LCT: variants seen among roughly 807,000 people sequenced by gnomAD.
LCT encodes the protein lactase/phlorizin hydrolase.
A neutral mutation model predicts 173.0 loss-of-function variants in LCT; 90 were observed. The ratio of observed to expected loss-of-function variants is 0.52; its 90% CI spans 0.44 to 0.62. The LOEUF (loss-of-function observed/expected upper bound fraction) is 0.62, where lower values mean the gene tolerates loss of function less well. Among genes scored for constraint, LCT ranks in the 20% least tolerant of loss-of-function variants. The pLI is 0.00. For missense variants in LCT, 1,864 were observed against 2,431.4 expected (o/e 0.77, Z 4.91); for synonymous variants, 853 against 957.6 (o/e 0.89, Z 2.02).
intron 3 of LCT, among the ~76,000 whole-genome samples, chr2:135,828,274 C>A (rs562142939): frequency 6.6e-6 from 1 of 152,166 alleles, no homozygotes; most frequent in Non-Finnish European, 1.5e-5. Context: ...CCACCCACCT[C>A]GGCCTCCCAA....
At chr2:135,815,555 A>G (rs1177309651) in intron 6 of LCT, among the ~76,000 whole-genome samples, 1 of 152,132 alleles carries the variant, frequency 6.6e-6, no homozygotes, top group Non-Finnish European at 1.5e-5. Flanking sequence ...TCACCCTAGT[A>G]ATGGTCTTTT....
At chr2:135,835,092 A>T (rs1171308385) in intron 1 of LCT, among the ~76,000 whole-genome samples, 5 of 152,172 alleles carry the variant, frequency 3.3e-5, no homozygotes, top group Non-Finnish European at 7.3e-5. Flanking sequence ...GAAGGTGGGA[A>T]ATAGTTTATA....
chr2:135,812,444 G>C lies in LCT; in HGVS notation c.2220C>G (p.Ser740=). 1 of 1,614,196 alleles carries C rather than the reference G, an allele frequency of 6.2e-7. No homozygotes were observed. Among genetic ancestry groups the C allele is most frequent in the Admixed American group, 1.7e-5 (1 of 60,016 alleles). ...GAACTTTTCCTCTTGTGTATTCCAG[G>C]GATACAAACTGCAACAGCCTCCTTA... ...WGIRRLLQFV[S]LEYTRGKVPI... The change falls in exon 7 of 17, where the codon TCC becomes TCG. Residue 740 remains serine (S), a synonymous_variant. Transcript: ENST00000264162.
Position 135,814,929 on chromosome 2 carries a change from T to C in LCT, c.1708-1973A>G, listed in dbSNP as rs566815198. ...TCCCCAATGTGATGGTATTTGGAGA[T>C]AGGGCCTTTGAGGGGTGATTAGATT... is the stretch of plus-strand genomic sequence containing the variant. On this transcript the variant is annotated intron_variant, in intron 6 of 16. Coordinates refer to ENST00000264162, the MANE Select transcript of LCT (RefSeq NM_002299.4). 3.9e-5 allele frequency among the ~76,000 whole-genome samples: 6 copies of C among 152,262 alleles called. No homozygotes were observed. In the East Asian group the frequency reaches 1.2e-3, roughly 29 times the overall value.
chr2:135,830,555 T>C (rs1252711390), intron 2 of LCT, among the ~76,000 whole-genome samples: 1 of 152,232 alleles, frequency 6.6e-6, no homozygotes, highest in African/African-American at 2.4e-5. Flanking sequence ...AGTGTTCCAT[T>C]ATGGGAATGC....
intron 5 of LCT, among the ~76,000 whole-genome samples, chr2:135,819,592 G>T (rs1399651590): frequency 6.6e-6 from 1 of 152,180 alleles, no homozygotes; most frequent in African/African-American, 2.4e-5. Flanking sequence ...CTGGGGCCGG[G>T]TCACCCAGCA....
rs1240265655 is a variant in LCT at position 135,790,310 on chromosome 2, A to G, written c.5335+348T>C. ...GCCTCAAACTTTTGCTCGGAGACTA[A>G]GAGACCCTACAGGCAACCACACAGC... On this transcript the variant is annotated intron_variant, in intron 15 of 16. Coordinates refer to ENST00000264162, the MANE Select transcript of LCT (RefSeq NM_002299.4). This position sits in a 1 kb window ranked among gnomAD's most constrained non-coding sequence, Gnocchi z 4.1. 2.9e-4 allele frequency among the ~76,000 whole-genome samples: 44 copies of G among 152,150 alleles called. No individual in the cohort carries two copies. The highest frequency in any genetic ancestry group is 2.8e-3 in the Admixed American group (43 of 15,280).
Position 135,789,729 on chromosome 2 carries a change from G to A in LCT, c.5405C>T (p.Thr1802Ile), listed in dbSNP as rs1328883719. Residue 1802 changes from threonine (T) to isoleucine (I), a missense_variant, in exon 16 of 17, where the codon ACA (threonine) becomes ATA (isoleucine). Physicochemically the swap from Thr to Ile is moderately conservative, Grantham distance 89. This residue lies in a region of LCT where 514 missense variants were observed against 750.1 expected (regional missense o/e 0.69). Transcript: ENST00000264162. ...WSAMDNFEWA[T>I]GFSERFGLHF... The stretch of plus-strand genomic sequence containing the variant: ...CAGACCAAATCTCTCTGAAAAGCCT[G>A]TGGCCCACTCAAAATTGTCCATCGC... 2 of 1,614,088 alleles carry A rather than the reference G, an allele frequency of 1.2e-6. No individual in the cohort carries two copies. Among genetic ancestry groups the A allele is most frequent in the Non-Finnish European group, 8.5e-7 (1 of 1,180,026 alleles).
intron 2 of LCT, among the ~76,000 whole-genome samples, chr2:135,830,040 C>T (rs976125368): frequency 6.6e-6 from 1 of 152,170 alleles, no homozygotes; most frequent in Non-Finnish European, 1.5e-5. Context: ...GGTGCTTCCT[C>T]CATAGACCCT....
rs555999583 is a variant in LCT, at chr2:135,815,242, A to G, written c.1707+2099T>C. 3.0e-4 allele frequency among the ~76,000 whole-genome samples: 45 copies of G among 152,340 alleles called. No individual in the cohort carries two copies. In the East Asian group the frequency reaches 6.2e-3, roughly 21 times the overall value. On this transcript the variant is annotated intron_variant, in intron 6 of 16. Coordinates refer to ENST00000264162, the MANE Select transcript of LCT (RefSeq NM_002299.4). ...CTAAGACAATGGCATTCTAACATTG[A>G]ACTAATAAATAAAGGGAAGAATTGA...
intron 2 of LCT, among the ~76,000 whole-genome samples, chr2:135,832,708 C>T (rs1264530517): frequency 6.6e-6 from 1 of 151,972 alleles, no homozygotes; most frequent in Non-Finnish European, 1.5e-5. Context: ...TGGTCTCAAA[C>T]TCCTGGCTCA....
intron 13 of LCT, among the ~76,000 whole-genome samples, chr2:135,795,174 A>G (rs1373552083): frequency 1.3e-5 from 2 of 151,862 alleles, no homozygotes; most frequent in Non-Finnish European, 2.9e-5. Context: ...TACATATCTG[A>G]GACTCTTCCC....
rs769578597 is a variant in LCT, at chr2:135,812,681, A to T, written c.1983T>A (p.Ala661=). 1.9e-6 allele frequency: 3 copies of T among 1,613,720 alleles called. No homozygotes were observed. The highest frequency in any genetic ancestry group is 2.5e-6 in the Non-Finnish European group (3 of 1,179,626). Residue 661 remains alanine (A), a synonymous_variant, in exon 7 of 17, where the codon GCT becomes GCA. Transcript: ENST00000264162. ...QMNRQCSHPV[A]QLPEFTEAEK... The stretch of plus-strand genomic sequence containing the variant: ...CTGCCTCTGTGAACTCGGGGAGTTG[A>T]GCCACAGGATGGGAGCACTGTCTGT...
intron 12 of LCT, among the ~76,000 whole-genome samples, chr2:135,798,911 T>C (rs2077603972): frequency 6.6e-6 from 1 of 152,166 alleles, no homozygotes; most frequent in South Asian, 2.1e-4. Context: ...GATATTTTCG[T>C]GGAAGCTGAT....
In LCT at chr2:135,808,566, T is replaced by G; in HGVS notation, c.3781A>C (p.Lys1261Gln). 3.7e-6 allele frequency: 6 copies of G among 1,614,232 alleles called. No individual in the cohort carries two copies. The highest frequency in any genetic ancestry group is 5.1e-6 in the Non-Finnish European group (6 of 1,180,040). The change falls in exon 8 of 17, where the codon AAG becomes CAG. Residue 1261 changes from lysine to glutamine, a missense_variant. Physicochemically the swap from Lys to Gln is moderately conservative, Grantham distance 53. Transcript: ENST00000264162. ...ATGGGGATGTCACCATACTCTTCCT[T>G]GATCCAGTTCAGCAGCCTTCGCGTC... is the stretch of plus-strand genomic sequence containing the variant. ...WGTRRLLNWI[K>Q]EEYGDIPIYI...
At position 135,810,572 on chromosome 2, in the gene LCT, T is replaced by G. The variant is rs370470398; in HGVS notation, c.2354-579A>C. Reference sequence around the variant, plus strand: ...CCCATGTGTTACCACCAGGGTGTCTTGGTTTTATATAAAATACATAAATCA... The same window carrying G: ...CCCATGTGTTACCACCAGGGTGTCTGGGTTTTATATAAAATACATAAATCA... On this transcript the variant is annotated intron_variant, in intron 7 of 16. Coordinates refer to ENST00000264162, the MANE Select transcript of LCT (RefSeq NM_002299.4). Among the ~76,000 whole-genome samples, 66 of 152,364 alleles carry G rather than the reference T, an allele frequency of 4.3e-4. 2 individuals carry two copies. In the South Asian group the frequency reaches 0.013, roughly 31 times the overall value.
At chr2:135,800,471 T>C in intron 12 of LCT, 136 bp downstream of exon 12, 2 of 773,264 alleles carry the variant, frequency 2.6e-6, no homozygotes, top group South Asian at 3.0e-5. Context: ...GAAATCCTCC[T>C]GCCTCAGACT....
rs1473379244 is a variant in LCT at position 135,817,406 on chromosome 2, A to G, written c.1642T>C (p.Tyr548His). ...TGCTGGCCGGTGCCATAGCCTGCGT[A>G]GCTCATCACCCACGGCTCATGGAAG... ...VTFHEPWVMS[Y>H]AGYGTGQHPP... Residue 548 changes from tyrosine (Y) to histidine (H), a missense_variant, in exon 6 of 17, where the codon TAC (tyrosine) becomes CAC (histidine). Coordinates refer to ENST00000264162, the MANE Select transcript of LCT (RefSeq NM_002299.4). The G allele has an allele frequency of 2.5e-6, 4 of 1,613,984 alleles. No individual in the cohort carries two copies. The East Asian group carries it at 8.9e-5, about 36-fold the overall frequency.
intron 3 of LCT, among the ~76,000 whole-genome samples, chr2:135,826,384 C>T (rs1278983961): frequency 5.8e-5 from 8 of 138,530 alleles, no homozygotes; most frequent in Admixed American, 5.5e-4. Flanking sequence ...TGGTGAAACA[C>T]TGTATCTGCT....
Sources: allele counts gnomAD v4.1 joint callset (sites outside exome capture counted in the v4.1 genomes callset), GRCh38; gene constraint gnomAD v4.1.1; regional missense constraint gnomAD v4.1.1; non-coding constraint Gnocchi (gnomAD v3.1); transcripts MANE v1.5; gene names NCBI Gene and HGNC (gene_info 2026-07-23, HGNC 2026-07-21).